The following ZFHX3 variants were observed in gnomAD, a reference collection of about 807,000 sequenced individuals.
ZFHX3 encodes the protein zinc finger homeobox protein 3.
ZFHX3 carries 42 observed loss-of-function variants against 279.1 expected under a neutral mutation model. The observed-to-expected ratio is 0.15, with a 90% CI of 0.12 to 0.19. The LOEUF (loss-of-function observed/expected upper bound fraction) is 0.19, where lower values mean the gene tolerates loss of function less well. Among genes scored for constraint, ZFHX3 ranks in the 10% least tolerant of loss-of-function variants. The probability of loss-of-function intolerance (pLI) is 1.00; values close to 1 mark genes in which losing one functional copy is unlikely to be tolerated. For missense variants in ZFHX3, 4,981 were observed against 4,754.0 expected (o/e 1.05, Z -1.40); for synonymous variants, 2,293 against 1,957.8 (o/e 1.17, Z -4.52).
At chr16:73,169,585 C>T (rs1024785577) in intron 5 of ZFHX3, among the ~76,000 whole-genome samples, 6 of 150,874 alleles carry the variant, frequency 4.0e-5, no homozygotes, top group Admixed American at 6.6e-5. Context: ...GAGGTTGCAG[C>T]GAGGCAGAGG....
intron 2 of ZFHX3, among the ~76,000 whole-genome samples, chr16:73,647,788 C>A (rs1479388475): frequency 6.6e-6 from 1 of 151,260 alleles, no homozygotes. Context: ...ATGCATGTTC[C>A]CAAATAAACA....
chr16:73,703,381 A>C lies in ZFHX3; in HGVS notation c.-1607-23141T>G, dbSNP rs138582094. ...ATCATTAAAAATAACAACCCACCTA[A>C]AGAAAAAAATGAGTCATTTTTAAAA... On this transcript the variant is annotated intron_variant, in intron 1 of 17. Coordinates refer to the ZFHX3 transcript ENST00000641206. Among the ~76,000 whole-genome samples, 480 of 152,188 alleles carry C rather than the reference A, an allele frequency of 3.2e-3. 2 individuals carry two copies. Among genetic ancestry groups the C allele is most frequent in the African/African-American group, 0.011 (453 of 41,516 alleles).
intron 5 of ZFHX3, among the ~76,000 whole-genome samples, chr16:73,222,035 T>C (rs188809764): frequency 1.7e-4 from 26 of 152,234 alleles, no homozygotes; most frequent in African/African-American, 6.3e-4. Flanking sequence ...CATAACTCAA[T>C]GATGAACTCT....
intron 7 of ZFHX3, among the ~76,000 whole-genome samples, chr16:72,810,477 C>G (rs1298039107): frequency 6.6e-6 from 1 of 152,218 alleles, no homozygotes; most frequent in East Asian, 1.9e-4. Context: ...TGAGCCCCCA[C>G]GCCTGGCCAG....
chr16:73,660,718 T>C (rs1418893938), intron 2 of ZFHX3, among the ~76,000 whole-genome samples: 1 of 152,138 alleles, frequency 6.6e-6, no homozygotes, highest in East Asian at 1.9e-4. Flanking sequence ...CCCATTTTCT[T>C]CTCTTTTTCA....
chr16:73,714,505 G>A (rs1005300602), intron 1 of ZFHX3, among the ~76,000 whole-genome samples: 1 of 152,106 alleles, frequency 6.6e-6, no homozygotes, highest in African/African-American at 2.4e-5. Flanking sequence ...AGGTATTTGT[G>A]TCCTCAAGTC....
intron 1 of ZFHX3, among the ~76,000 whole-genome samples, chr16:73,801,409 G>C (rs1384092600): frequency 1.3e-5 from 2 of 152,124 alleles, no homozygotes; most frequent in African/African-American, 2.4e-5. Flanking sequence ...ACACATGAAG[G>C]CGGTGTTCAA....
At chr16:73,530,468 A>C (rs1469643291) in intron 2 of ZFHX3, among the ~76,000 whole-genome samples, 2 of 152,192 alleles carry the variant, frequency 1.3e-5, no homozygotes, top group Admixed American at 1.3e-4. Context: ...TACTTCTCTC[A>C]TTCCAAAAGT....
intron 5 of ZFHX3, among the ~76,000 whole-genome samples, chr16:73,204,888 G>A (rs925474924): frequency 3.3e-5 from 5 of 152,152 alleles, no homozygotes; most frequent in Non-Finnish European, 5.9e-5. Context: ...GCCCATAGTC[G>A]TTGCATGAGT....
At chr16:73,729,747 C>T (rs1348199890) in intron 1 of ZFHX3, among the ~76,000 whole-genome samples, 1 of 152,122 alleles carries the variant, frequency 6.6e-6, no homozygotes, top group African/African-American at 2.4e-5. Flanking sequence ...CTTCTCACAC[C>T]TCTTAGACCT....
At chr16:73,056,421 G>A (rs1319609081) in intron 1 of ZFHX3, among the ~76,000 whole-genome samples, 1 of 151,674 alleles carries the variant, frequency 6.6e-6, no homozygotes, top group Non-Finnish European at 1.5e-5. Context: ...TAAGAAGAGG[G>A]CCCCCCAAGT....
At chr16:73,322,016 C>T (rs1015573810) in intron 3 of ZFHX3, among the ~76,000 whole-genome samples, 1 of 152,332 alleles carries the variant, frequency 6.6e-6, no homozygotes, top group Non-Finnish European at 1.5e-5. Flanking sequence ...GAATAAAACT[C>T]GTGATTTCCC....
chr16:73,798,251 T>C (rs1364892726), intron 1 of ZFHX3, among the ~76,000 whole-genome samples: 4 of 152,116 alleles, frequency 2.6e-5, no homozygotes. Context: ...ACATGGTCTC[T>C]GCTGGCATCA....
At chr16:73,687,900 A>G (rs2053107329) in intron 1 of ZFHX3, among the ~76,000 whole-genome samples, 1 of 151,326 alleles carries the variant, frequency 6.6e-6, no homozygotes, top group Non-Finnish European at 1.5e-5. Context: ...ATTGACAGTC[A>G]CTGTGCTCTT....
chr16:73,216,897 A>G (rs1597225147), intron 5 of ZFHX3, among the ~76,000 whole-genome samples: 1 of 152,194 alleles, frequency 6.6e-6, no homozygotes, highest in Non-Finnish European at 1.5e-5. Context: ...TCTGGGTTTC[A>G]GTAGGAGACA....
At chr16:73,283,023 C>G (rs779738496) in intron 4 of ZFHX3, among the ~76,000 whole-genome samples, 23 of 152,148 alleles carry the variant, frequency 1.5e-4, no homozygotes, top group Non-Finnish European at 2.8e-4. Context: ...AGAAGTCAAA[C>G]AACAAATAAA....
At chr16:73,345,439 C>A (rs1035379044) in intron 3 of ZFHX3, among the ~76,000 whole-genome samples, 1 of 143,640 alleles carries the variant, frequency 7.0e-6, no homozygotes, top group Non-Finnish European at 1.5e-5. Context: ...CCCCTCCCTG[C>A]GTACATGTGT....
intron 1 of ZFHX3, among the ~76,000 whole-genome samples, chr16:73,023,430 G>A (rs934326930): frequency 5.2e-4 from 79 of 152,186 alleles, no homozygotes; most frequent in African/African-American, 1.9e-3. Flanking sequence ...GGTAAGGGGC[G>A]GAGGGAGGAA....
intron 8 of ZFHX3, chr16:73,092,924 C>G (rs1177743015): frequency 1.9e-6 from 1 of 520,088 alleles, no homozygotes; most frequent in Non-Finnish European, 3.8e-6. Flanking sequence ...GCCACCCATG[C>G]TAGTTGCAGA....
Sources: allele counts gnomAD v4.1 joint callset (sites outside exome capture counted in the v4.1 genomes callset), GRCh38; gene constraint gnomAD v4.1.1; transcripts MANE v1.5; gene names NCBI Gene and HGNC (gene_info 2026-07-23, HGNC 2026-07-21).